SEPTIN11: variants seen among roughly 807,000 people sequenced by gnomAD.
SEPTIN11 encodes septin-11.
In SEPTIN11, 25 loss-of-function variants were observed where a neutral mutation model predicts 51.4. The observed-to-expected ratio is 0.49, with a 90% confidence interval of 0.35 to 0.68. The LOEUF (loss-of-function observed/expected upper bound fraction) is 0.68, where lower values mean the gene tolerates loss of function less well. Among genes scored for constraint, SEPTIN11 ranks in the 30% least tolerant of loss-of-function variants. The pLI is 0.00. For missense variants in SEPTIN11, 381 were observed against 520.8 expected (o/e 0.73, Z 2.61); for synonymous variants, 174 against 184.1 (o/e 0.95, Z 0.44).
intron 5 of SEPTIN11, among the ~76,000 whole-genome samples, chr4:77,016,359 T>A (rs1725223088): frequency 6.6e-6 from 1 of 151,156 alleles, no homozygotes; most frequent in South Asian, 2.1e-4. Flanking sequence ...ACTCTCACCC[T>A]GTGTACTGCC....
At chr4:77,031,835 A>C (rs1726662549) in intron 9 of SEPTIN11, 1 of 152,200 alleles carries the variant, frequency 6.6e-6, no homozygotes, top group African/African-American at 2.4e-5. Context: ...TCCTTTGTCT[A>C]ATGTACGGTG....
intron 3 of SEPTIN11, chr4:77,009,957 G>A (rs1404414582): frequency 1.3e-5 from 2 of 152,196 alleles, no homozygotes; most frequent in Non-Finnish European, 2.9e-5. Context: ...CTCCATAGCA[G>A]AACAGATAAC....
At chr4:77,004,290 T>C (rs1048099878) in intron 2 of SEPTIN11, among the ~76,000 whole-genome samples, 1 of 152,242 alleles carries the variant, frequency 6.6e-6, no homozygotes, top group African/African-American at 2.4e-5. Context: ...ATTATCAGTG[T>C]AAATAAGGTC....
At chr4:77,022,922 C>T (rs1293483798) in intron 7 of SEPTIN11, among the ~76,000 whole-genome samples, 8 of 149,692 alleles carry the variant, frequency 5.3e-5, no homozygotes, top group Admixed American at 5.3e-4. Flanking sequence ...TCCTTAGGAT[C>T]CCTGGGAGCC....
rs914075587 is a variant in SEPTIN11, at chr4:77,020,591, C to T, written c.874C>T (p.Arg292Cys). The T allele has an allele frequency of 6.8e-6, 11 of 1,613,950 alleles. No homozygotes were observed. Among genetic ancestry groups the T allele is most frequent in the Admixed American group, 1.7e-5 (1 of 59,996 alleles). The change falls in exon 7 of 10, where the codon CGC (arginine) becomes TGC (cysteine). Residue 292 changes from arginine (R) to cysteine (C), a missense_variant. Physicochemically the swap from Arg to Cys is radical, Grantham distance 180. Coordinates refer to ENST00000264893, the MANE Select transcript of SEPTIN11 (RefSeq NM_018243.4). ...GGACTTGCGAGAGCAGACTCACACC[C>T]GCCACTATGAATTGTACCGACGCTG... The part of the protein sequence containing the change: ...MEDLREQTHT[R>C]HYELYRRCKL...
intron 1 of SEPTIN11, among the ~76,000 whole-genome samples, chr4:76,978,498 C>T (rs1317151745): frequency 6.6e-6 from 1 of 152,134 alleles, no homozygotes; most frequent in East Asian, 1.9e-4. Context: ...GACTCCCAGG[C>T]TCTACTAATG....
At chr4:77,040,101 G>T (rs1480585159), downstream of SEPTIN11, 1 of 152,162 alleles carries the variant, frequency 6.6e-6, no homozygotes, top group Non-Finnish European at 1.5e-5. Context: ...GTGTTGGGTA[G>T]ATGACTTTTC....
At chr4:76,976,529 T>C (rs1266309610) in intron 1 of SEPTIN11, among the ~76,000 whole-genome samples, 1 of 152,182 alleles carries the variant, frequency 6.6e-6, no homozygotes, top group Non-Finnish European at 1.5e-5. Flanking sequence ...CGTTGGTTGT[T>C]CTCCTTTCCA....
intron 1 of SEPTIN11, among the ~76,000 whole-genome samples, chr4:76,992,535 C>T (rs1723437957): frequency 6.6e-6 from 1 of 152,120 alleles, no homozygotes; most frequent in South Asian, 2.1e-4. Flanking sequence ...CCTCTGTTTT[C>T]TCATCTGTAA....
intron 2 of SEPTIN11, among the ~76,000 whole-genome samples, chr4:77,001,350 C>CT (rs35682077): frequency 2.6e-4 from 39 of 148,296 alleles, no homozygotes; most frequent in Middle Eastern, 3.5e-3. Context: ...TTTCAATTAA[C>CT]TTTTTTTTTT....
At chr4:77,020,159 C>G (rs955177867) in intron 6 of SEPTIN11, among the ~76,000 whole-genome samples, 8 of 152,156 alleles carry the variant, frequency 5.3e-5, no homozygotes, top group African/African-American at 1.9e-4. Context: ...GGGAGGTCAG[C>G]TTGCTCACCA....
In SEPTIN11 at chr4:77,036,650, C is replaced by T; in HGVS notation, c.*2138C>T. ...AAAAGTCAAAAGAAACAAATAGAAG[C>T]TTTTTTTTTTAAAAAATGTATTGCT... On this transcript the variant is annotated 3_prime_UTR_variant, in exon 10 of 10. Transcript: ENST00000264893. 3.6e-6 allele frequency: 5 copies of T among 1,406,202 alleles called. No homozygotes were observed. Among genetic ancestry groups the T allele is most frequent in the Non-Finnish European group, 3.7e-6 (4 of 1,071,772 alleles). 87.1% of individuals were successfully genotyped at this position (1,406,202 alleles called of 1,614,324 possible).
intron 1 of SEPTIN11, among the ~76,000 whole-genome samples, chr4:76,981,876 G>C (rs1722786728): frequency 6.6e-6 from 1 of 152,042 alleles, no homozygotes; most frequent in South Asian, 2.1e-4. Context: ...TGGTGTGCTG[G>C]TCTGGTGGGA....
intron 1 of SEPTIN11, chr4:76,959,158 C>T (rs893030440): frequency 1.2e-5 from 6 of 498,436 alleles, no homozygotes; most frequent in South Asian, 1.8e-5. Context: ...TGCTCTTGAT[C>T]GTTTTACCAT....
Position 76,962,959 on chromosome 4 carries a change from T to G in SEPTIN11, c.27+13029T>G, listed in dbSNP as rs1270747048. On this transcript the variant is annotated intron_variant, in intron 1 of 9. Transcript: ENST00000264893. ...TGGGACCACTTAGTTCCTGGATTTT[T>G]GCATTCATTCAAGTGACTTGGCTTT... is the stretch of plus-strand genomic sequence containing the variant. Among the ~76,000 whole-genome samples the G allele has an allele frequency of 5.3e-5, 8 of 152,352 alleles. 1 individual carries two copies. The East Asian group carries it at 1.2e-3, about 22-fold the overall frequency.
At chr4:76,962,345 G>A (rs10003222) in intron 1 of SEPTIN11, among the ~76,000 whole-genome samples, 1,630 of 152,308 alleles carry the variant, frequency 0.011, 31 homozygotes, top group African/African-American at 0.036. Flanking sequence ...TATAACTAGC[G>A]TTTTAAAAAT....
At chr4:77,034,273 A>G (rs1425803842) in intron 9 of SEPTIN11, among the ~76,000 whole-genome samples, 1 of 152,260 alleles carries the variant, frequency 6.6e-6, no homozygotes. Flanking sequence ...TCTAAATTAC[A>G]TACAAATGGA....
intron 1 of SEPTIN11, chr4:76,972,656 G>C (rs1722299604): frequency 6.6e-6 from 1 of 152,156 alleles, no homozygotes; most frequent in Non-Finnish European, 1.5e-5. Context: ...AACAAGCAAG[G>C]GAGCCCTTAA....
chr4:77,019,113 C>A, intron 5 of SEPTIN11, 52 bp from the exon 6 acceptor site: 2 of 1,525,388 alleles, frequency 1.3e-6, no homozygotes, highest in South Asian at 1.2e-5. Flanking sequence ...TGGTGGAAAC[C>A]AGTCTGTCAG....
Sources: allele counts gnomAD v4.1 joint callset (sites outside exome capture counted in the v4.1 genomes callset), GRCh38; gene constraint gnomAD v4.1.1; transcripts MANE v1.5; gene names NCBI Gene and HGNC (gene_info 2026-07-23, HGNC 2026-07-21).